The following RALYL variants were observed in gnomAD, a reference collection of about 807,000 sequenced individuals.
RALYL encodes the protein RALY RNA binding protein like.
Under a neutral mutation model 35.1 loss-of-function variants are expected in RALYL, and 29 were observed. The ratio of observed to expected loss-of-function variants is 0.83; its 90% CI spans 0.61 to 1.13. The LOEUF is 1.13. RALYL is among the 50% of genes most tolerant of loss of function. The pLI is 0.00. For missense variants in RALYL, 359 were observed against 360.4 expected (o/e 1.00, Z 0.03); for synonymous variants, 120 against 127.6 (o/e 0.94, Z 0.40).
chr8:84,200,248 C>A (rs937647409), intron 1 of RALYL, among the ~76,000 whole-genome samples: 4 of 151,988 alleles, frequency 2.6e-5, no homozygotes, highest in Non-Finnish European at 5.9e-5. Flanking sequence ...ATACAGTACA[C>A]TAAACAAAAT....
At chr8:84,908,254 A>C (rs780761006) in intron 8 of RALYL, among the ~76,000 whole-genome samples, 1 of 152,142 alleles carries the variant, frequency 6.6e-6, no homozygotes, top group Non-Finnish European at 1.5e-5. Flanking sequence ...CGAAATATAC[A>C]TTGCACTGTT....
chr8:84,524,119 T>G (rs889667257), intron 1 of RALYL, among the ~76,000 whole-genome samples: 4 of 152,158 alleles, frequency 2.6e-5, no homozygotes, highest in African/African-American at 4.8e-5. Context: ...TGAACTAGTT[T>G]ACAGTCCCAC....
chr8:84,211,283 A>G (rs945726849), intron 1 of RALYL, among the ~76,000 whole-genome samples: 2 of 152,178 alleles, frequency 1.3e-5, no homozygotes, highest in Admixed American at 6.5e-5. Context: ...CTTAAAGATC[A>G]TAAGAATTAG....
intron 1 of RALYL, among the ~76,000 whole-genome samples, chr8:84,338,894 C>T (rs1848286322): frequency 6.6e-6 from 1 of 151,994 alleles, no homozygotes; most frequent in Non-Finnish European, 1.5e-5. Context: ...GCCAATATGT[C>T]AAAATCAGTA....
chr8:84,857,552 T>C (rs1162387833), intron 5 of RALYL, among the ~76,000 whole-genome samples: 2 of 152,216 alleles, frequency 1.3e-5, no homozygotes, highest in Non-Finnish European at 2.9e-5. Context: ...AAACCACGTT[T>C]GTTGACAGTA....
intron 2 of RALYL, among the ~76,000 whole-genome samples, chr8:84,773,587 T>C (rs16913280): frequency 0.015 from 2,192 of 148,462 alleles, 53 homozygotes; most frequent in African/African-American, 0.051. Flanking sequence ...GACTGTTTTG[T>C]CACATACTTA....
intron 2 of RALYL, among the ~76,000 whole-genome samples, chr8:84,584,134 T>C (rs1164236516): frequency 6.6e-6 from 1 of 152,166 alleles, no homozygotes; most frequent in African/African-American, 2.4e-5. Context: ...TATTTTTGAA[T>C]GTACAATTAA....
At chr8:84,417,483 G>T (rs2132298518) in intron 1 of RALYL, among the ~76,000 whole-genome samples, 1 of 151,876 alleles carries the variant, frequency 6.6e-6, no homozygotes, top group Admixed American at 6.6e-5. Context: ...AAATTTGGGA[G>T]GTTGACACAG....
chr8:84,214,167 T>C (rs957102986), intron 1 of RALYL, among the ~76,000 whole-genome samples: 3 of 152,116 alleles, frequency 2.0e-5, no homozygotes, highest in Admixed American at 6.6e-5. Context: ...GGTTGTTAGG[T>C]TGTTACCTTG....
chr8:84,621,470 G>C (rs771790094), intron 2 of RALYL, among the ~76,000 whole-genome samples: 3 of 152,064 alleles, frequency 2.0e-5, no homozygotes, highest in Non-Finnish European at 4.4e-5. Flanking sequence ...CACAGTGCAC[G>C]CACCCACTGA....
chr8:84,531,101 C>T (rs1045831986), intron 2 of RALYL, among the ~76,000 whole-genome samples: 1 of 152,008 alleles, frequency 6.6e-6, no homozygotes, highest in African/African-American at 2.4e-5. Flanking sequence ...TTTCATAGCA[C>T]CTATCAGAAT....
intron 1 of RALYL, among the ~76,000 whole-genome samples, chr8:84,422,330 T>A (rs532387188): frequency 2.1e-3 from 254 of 122,264 alleles, no homozygotes; most frequent in African/African-American, 8.3e-3. Flanking sequence ...TCTAGTTTAT[T>A]TGCGTAGAGG....
intron 2 of RALYL, chr8:84,679,902 C>A: frequency 5.9e-6 from 2 of 340,062 alleles, no homozygotes; most frequent in South Asian, 5.0e-5. Flanking sequence ...GCACAACGTG[C>A]AGGTTTGTTA....
At chr8:84,202,455 C>G (rs1408163271) in intron 1 of RALYL, among the ~76,000 whole-genome samples, 2 of 150,272 alleles carry the variant, frequency 1.3e-5, no homozygotes, top group Non-Finnish European at 1.5e-5. Context: ...TCACTGCAAC[C>G]TCCGCCTCCC....
At chr8:84,639,768 A>G (rs533209856) in intron 2 of RALYL, among the ~76,000 whole-genome samples, 1 of 152,084 alleles carries the variant, frequency 6.6e-6, no homozygotes, top group Admixed American at 6.6e-5. Context: ...AGTCAAAAGA[A>G]TTAAAGCCAA....
chr8:84,838,058 A>G (rs549158692), intron 4 of RALYL, among the ~76,000 whole-genome samples: 3 of 152,308 alleles, frequency 2.0e-5, no homozygotes, highest in African/African-American at 7.2e-5. Flanking sequence ...TTAAAAGCCA[A>G]AATAGATCAT....
At chr8:84,393,157 G>A (rs73300764) in intron 1 of RALYL, among the ~76,000 whole-genome samples, 5,148 of 152,130 alleles carry the variant, frequency 0.034, 287 homozygotes, top group African/African-American at 0.12. Context: ...TGGTATCTCT[G>A]TCTCTACTTT....
intron 2 of RALYL, among the ~76,000 whole-genome samples, chr8:84,675,677 T>C (rs542042344): frequency 4.6e-5 from 7 of 152,286 alleles, no homozygotes; most frequent in African/African-American, 1.7e-4. Flanking sequence ...CACTGTTTTA[T>C]GTGTTTGGTC....
chr8:84,692,393 C>G (rs1838241470), intron 2 of RALYL, among the ~76,000 whole-genome samples: 1 of 151,942 alleles, frequency 6.6e-6, no homozygotes, highest in African/African-American at 2.4e-5. Context: ...CAATAGCAAT[C>G]AAACATAGAA....
Sources: gnomAD v4.1 joint callset for allele counts (sites outside exome capture counted in the v4.1 genomes callset) on GRCh38, gnomAD v4.1.1 for gene constraint, MANE v1.5 for transcripts, NCBI Gene and HGNC (gene_info 2026-07-23, HGNC 2026-07-21) for gene names.